Variants in PEX19 observed in about 807,000 individuals in gnomAD.
The protein encoded by PEX19 is peroxisomal biogenesis factor 19.
Under a neutral mutation model 36.3 loss-of-function variants are expected in PEX19, and 29 were observed. That is an observed-to-expected ratio of 0.80 (90% CI 0.60 to 1.09). The LOEUF (loss-of-function observed/expected upper bound fraction) is 1.09, where lower values mean the gene tolerates loss of function less well. Ranked by LOEUF, PEX19 falls within the 50% of genes least tolerant of loss-of-function variation. The probability of loss-of-function intolerance (pLI) is 0.00; values close to 1 mark genes in which losing one functional copy is unlikely to be tolerated. For missense variants in PEX19, 396 were observed against 368.1 expected (o/e 1.08, Z -0.62); for synonymous variants, 141 against 135.2 (o/e 1.04, Z -0.30).
rs570511610 is a variant in PEX19 at position 160,282,775 on chromosome 1, T to C, written c.346+169A>G. ...GTTTTCTATTACTTTCCAACCTATCTCACCCCTTTTCATTAACAGGGATTC... is the reference window on the plus strand; with the variant it reads ...GTTTTCTATTACTTTCCAACCTATCCCACCCCTTTTCATTAACAGGGATTC... On this transcript the variant is annotated intron_variant, in intron 3 of 7. Transcript: ENST00000368072. The C allele has an allele frequency of 4.1e-5, 31 of 761,662 alleles. No homozygotes were observed. In the Admixed American group the frequency reaches 6.0e-4, roughly 15 times the overall value. 47.2% of individuals were successfully genotyped at this position (761,662 alleles called of 1,614,324 possible). A position where few individuals can be genotyped will look rare whatever the true frequency, so the allele number is the denominator to read the frequency against.
chr1:160,284,602 G>A (rs1412177321), intron 1 of PEX19, among the ~76,000 whole-genome samples: 1 of 152,204 alleles, frequency 6.6e-6, no homozygotes, highest in Non-Finnish European at 1.5e-5. Context: ...AGGACTAGGA[G>A]GAGAAAAGTG....
In PEX19 at chr1:160,277,002, G is replaced by T. The variant is rs1484193367; in HGVS notation, c.*2549C>A. On this transcript the variant is annotated 3_prime_UTR_variant, in exon 8 of 8. Coordinates refer to ENST00000368072, the MANE Select transcript of PEX19 (RefSeq NM_002857.4). ...TATTTTTGAGCAGCAGAAAAGGAAGGCTAGAGAAATGCTAGAGATGTCCTT... is the reference window on the plus strand; with the variant it reads ...TATTTTTGAGCAGCAGAAAAGGAAGTCTAGAGAAATGCTAGAGATGTCCTT... 2.2e-6 allele frequency: 1 copy of T among 453,934 alleles called. No individual in the cohort carries two copies. Among genetic ancestry groups the T allele is most frequent in the East Asian group, 6.9e-5 (1 of 14,416 alleles). The allele number at this position is 453,934 out of a possible 1,614,324, so 28.1% of individuals were successfully genotyped here. A position where few individuals can be genotyped will look rare whatever the true frequency, so the allele number is the denominator to read the frequency against.
chr1:160,277,474 G>C lies in PEX19; in HGVS notation c.*2077C>G, dbSNP rs1557851694. ...CCTTTACCATACATAGTTTGAGAAA[G>C]ACTGCCCTAGAGTACCATAACTCCA... On this transcript the variant is annotated 3_prime_UTR_variant, in exon 8 of 8. Transcript: ENST00000368072. The C allele has an allele frequency of 2.2e-6, 1 of 455,914 alleles. No individual in the cohort carries two copies. Among genetic ancestry groups the C allele is most frequent in the Non-Finnish European group, 4.4e-6 (1 of 226,808 alleles). The allele number at this position is 455,914 out of a possible 1,614,324, so 28.2% of individuals were successfully genotyped here.
In PEX19 at chr1:160,282,028, A is replaced by G; in HGVS notation, c.594+11T>C. The G allele has an allele frequency of 6.2e-7, 1 of 1,612,474 alleles. No individual in the cohort carries two copies. The highest frequency in any genetic ancestry group is 8.5e-7 in the Non-Finnish European group (1 of 1,178,466). The stretch of plus-strand genomic sequence containing the variant: ...AATGAAGAGAAAAAGCAGAAATGGA[A>G]GTTCACAAACCTTTTCTGTGATCTC... On this transcript the variant is annotated intron_variant, in intron 5 of 7. Coordinates refer to ENST00000368072, the MANE Select transcript of PEX19 (RefSeq NM_002857.4).
At chr1:160,280,810 C>T (rs868645441) in intron 5 of PEX19, among the ~76,000 whole-genome samples, 41 of 152,264 alleles carry the variant, frequency 2.7e-4, no homozygotes, top group African/African-American at 7.9e-4. Context: ...TGAGCCACTA[C>T]GCTCGGCTAT....
At position 160,280,234 on chromosome 1, in the gene PEX19, AC is replaced by A. The variant is rs1461345139; in HGVS notation, c.606del (p.Trp202CysfsTer60). 1.2e-6 allele frequency: 2 copies of A among 1,613,776 alleles called. No homozygotes were observed. The highest frequency in any genetic ancestry group is 2.7e-5 in the African/African-American group (2 of 74,932). ...GGTAGAGATTCCCGATGACTCTGCAACCATTCTGGATACTAAGAAAAGAGAG... is the reference window on the plus strand; with the variant it reads ...GGTAGAGATTCCCGATGACTCTGCAACATTCTGGATACTAAGAAAAGAGAG... ...LKEITEKYPE[W>X]LQSHRESLPP... is the part of the protein sequence containing the mutation. On this transcript the variant is annotated frameshift_variant, in exon 6 of 8. Coordinates refer to ENST00000368072, the MANE Select transcript of PEX19 (RefSeq NM_002857.4). LOFTEE classifies it high-confidence loss of function.
chr1:160,278,650 T>C lies in PEX19; in HGVS notation c.*901A>G. The C allele has an allele frequency of 2.2e-6, 1 of 454,304 alleles. No individual in the cohort carries two copies. Among genetic ancestry groups the C allele is most frequent in the Non-Finnish European group, 4.4e-6 (1 of 226,958 alleles). 28.1% of individuals were successfully genotyped at this position (454,304 alleles called of 1,614,324 possible). On this transcript the variant is annotated 3_prime_UTR_variant, in exon 8 of 8. Transcript: ENST00000368072. ...AATGTATCTGGGGAAGAATAGCCAT[T>C]AATTTCCTAGACCTGACACTGGGTT...
At chr1:160,283,267 AAGGTATCT>A (rs1158203296) in intron 2 of PEX19, among the ~76,000 whole-genome samples, 158 bp from the exon 3 acceptor site, 1 of 152,186 alleles carries the variant, frequency 6.6e-6, no homozygotes, top group Non-Finnish European at 1.5e-5. Context: ...GATAGCAAAA[AAGGTATCT>A]AGTCATTGAA....
At chr1:160,282,581 T>C (rs866234499) in intron 3 of PEX19, 79 bp from the exon 4 acceptor site, 3 of 1,069,546 alleles carry the variant, frequency 2.8e-6, no homozygotes, top group African/African-American at 1.5e-5. Flanking sequence ...AGCTTGGATA[T>C]GAAGCATTTA....
In PEX19 at chr1:160,279,136, G is replaced by A. The variant is rs1229884360; in HGVS notation, c.*415C>T. The A allele has an allele frequency of 2.2e-6, 1 of 452,958 alleles. No individual in the cohort carries two copies. Among genetic ancestry groups the A allele is most frequent in the Non-Finnish European group, 4.4e-6 (1 of 226,430 alleles). 28.1% of individuals were successfully genotyped at this position (452,958 alleles called of 1,614,324 possible). A position where few individuals can be genotyped will look rare whatever the true frequency, so the allele number is the denominator to read the frequency against. On this transcript the variant is annotated 3_prime_UTR_variant, in exon 8 of 8. Transcript: ENST00000368072. ...GCCAGGAGAACTATAGAAATACAGAGTCCCAGGTCTCTGCCCCTCCTCCCC... is the reference window on the plus strand; with the variant it reads ...GCCAGGAGAACTATAGAAATACAGAATCCCAGGTCTCTGCCCCTCCTCCCC...
rs547030069 is a variant in PEX19, at chr1:160,282,747, A to G, written c.346+197T>C. On this transcript the variant is annotated intron_variant, in intron 3 of 7. Transcript: ENST00000368072. ...ACCTTTCAAATGGTCAGTTTTGAATAATGTTTTCTATTACTTTCCAACCTA... is the reference window on the plus strand; with the variant it reads ...ACCTTTCAAATGGTCAGTTTTGAATGATGTTTTCTATTACTTTCCAACCTA... 5 of 701,428 alleles carry G rather than the reference A, an allele frequency of 7.1e-6. No individual in the cohort carries two copies. In the South Asian group the frequency reaches 8.4e-5, roughly 12 times the overall value. The allele number at this position is 701,428 out of a possible 1,614,324, so 43.5% of individuals were successfully genotyped here.
rs1657698317 is a variant in PEX19, at chr1:160,279,843, T to C, written c.774A>G (p.Leu258=). The change falls in exon 7 of 8, where the codon CTA becomes CTG. Residue 258 remains leucine (L), a splice_region_variant and synonymous_variant. Coordinates refer to ENST00000368072, the MANE Select transcript of PEX19 (RefSeq NM_002857.4). ...CTTTTGGAGGATGGCCTAAATCTTGTAGCTAGAAAATAAGGAAAATGGAAC... is the reference window on the plus strand; with the variant it reads ...CTTTTGGAGGATGGCCTAAATCTTGCAGCTAGAAAATAAGGAAAATGGAAC... ...FEMVLDLMQQ[L]QDLGHPPKEL... is the part of the protein sequence containing the mutation. 1 of 1,612,572 alleles carries C rather than the reference T, an allele frequency of 6.2e-7. No homozygotes were observed. The highest frequency in any genetic ancestry group is 8.5e-7 in the Non-Finnish European group (1 of 1,178,578).
At position 160,278,642 on chromosome 1, in the gene PEX19, A is replaced by ATAGCCAT. The variant is rs1412528436; in HGVS notation, c.*902_*908dup. 2.2e-6 allele frequency: 1 copy of ATAGCCAT among 454,434 alleles called. No homozygotes were observed. The highest frequency in any genetic ancestry group is 1.6e-5 in the South Asian group (1 of 64,476). The allele number at this position is 454,434 out of a possible 1,614,324, so 28.2% of individuals were successfully genotyped here. ...TAAGCCAGAATGTATCTGGGGAAGA[A>ATAGCCAT]TAGCCATTAATTTCCTAGACCTGAC... On this transcript the variant is annotated 3_prime_UTR_variant, in exon 8 of 8. Coordinates refer to ENST00000368072, the MANE Select transcript of PEX19 (RefSeq NM_002857.4).
chr1:160,281,604 C>T (rs1657774938), intron 5 of PEX19, among the ~76,000 whole-genome samples: 1 of 152,176 alleles, frequency 6.6e-6, no homozygotes, highest in Non-Finnish European at 1.5e-5. Context: ...CGGGGTTTCA[C>T]CATGTTGGCC....
chr1:160,283,717 G>A, intron 1 of PEX19, 78 bp from the exon 2 acceptor site: 2 of 1,144,490 alleles, frequency 1.7e-6, no homozygotes, highest in South Asian at 1.2e-5. Flanking sequence ...TCTGGGCAAA[G>A]CATTAGGAAT....
intron 5 of PEX19, among the ~76,000 whole-genome samples, chr1:160,281,790 A>G (rs1402686105): frequency 6.6e-6 from 1 of 152,232 alleles, no homozygotes; most frequent in Non-Finnish European, 1.5e-5. Context: ...ATAGAAAACT[A>G]GAACTGAAGG....
Position 160,276,855 on chromosome 1 carries a change from C to T in PEX19, c.*2696G>A, listed in dbSNP as rs1657552799. On this transcript the variant is annotated 3_prime_UTR_variant, in exon 8 of 8. Transcript: ENST00000368072. The stretch of plus-strand genomic sequence containing the variant: ...TTAATTCAATTCTTAATTCATGAAG[C>T]CACCCATACAATCACAAATTTATCT... The T allele has an allele frequency of 2.5e-6, 1 of 405,902 alleles. No individual in the cohort carries two copies. The highest frequency in any genetic ancestry group is 4.8e-6 in the Non-Finnish European group (1 of 206,186). The allele number at this position is 405,902 out of a possible 1,614,324, so 25.1% of individuals were successfully genotyped here. A position where few individuals can be genotyped will look rare whatever the true frequency, so the allele number is the denominator to read the frequency against.
At chr1:160,283,665 T>C (rs376439964) in intron 1 of PEX19, 26 bp from the exon 2 acceptor site, 5 of 1,547,328 alleles carry the variant, frequency 3.2e-6, no homozygotes, top group Non-Finnish European at 2.7e-6. Context: ...ACATGGTGTG[T>C]GTGTTGGCGA....
At position 160,278,974 on chromosome 1, in the gene PEX19, C is replaced by G. The variant is rs1009197991; in HGVS notation, c.*577G>C. ...GAGAGAGGAGAATCCTAAGGCCTCTCTTTCAACTCTATTGTGATTAGATGC... is the reference window on the plus strand; with the variant it reads ...GAGAGAGGAGAATCCTAAGGCCTCTGTTTCAACTCTATTGTGATTAGATGC... On this transcript the variant is annotated 3_prime_UTR_variant, in exon 8 of 8. Coordinates refer to ENST00000368072, the MANE Select transcript of PEX19 (RefSeq NM_002857.4). 7 of 454,000 alleles carry G rather than the reference C, an allele frequency of 1.5e-5. 1 individual carries two copies. Among genetic ancestry groups the G allele is most frequent in the Non-Finnish European group, 3.1e-5 (7 of 226,812 alleles). The allele number at this position is 454,000 out of a possible 1,614,324, so 28.1% of individuals were successfully genotyped here. A position where few individuals can be genotyped will look rare whatever the true frequency, so the allele number is the denominator to read the frequency against.
Sources: allele counts gnomAD v4.1 joint callset (sites outside exome capture counted in the v4.1 genomes callset), GRCh38; gene constraint gnomAD v4.1.1; transcripts MANE v1.5; gene names NCBI Gene and HGNC (gene_info 2026-07-23, HGNC 2026-07-21).